Variants in ADGRB3 observed in about 807,000 individuals in gnomAD.
ADGRB3 encodes the protein adhesion G protein-coupled receptor B3.
A neutral mutation model predicts 193.4 loss-of-function variants in ADGRB3; 37 were observed. The ratio of observed to expected loss-of-function variants is 0.19; its 90% CI spans 0.15 to 0.25. The LOEUF (loss-of-function observed/expected upper bound fraction) is 0.25, where lower values mean the gene tolerates loss of function less well. Among genes scored for constraint, ADGRB3 ranks in the 10% least tolerant of loss-of-function variants. The pLI, the probability that ADGRB3 is intolerant of heterozygous loss-of-function variation, is 1.00. For synonymous variants in ADGRB3, 690 were observed against 644.2 expected, an observed-to-expected ratio of 1.07 and a Z score of -1.08; for missense variants, 1,637 against 1,852.9, an observed-to-expected ratio of 0.88 and a Z score of 2.14.
intron 3 of ADGRB3, among the ~76,000 whole-genome samples, chr6:68,834,968 G>C (rs1435105097): frequency 6.6e-6 from 1 of 150,992 alleles, no homozygotes; most frequent in Non-Finnish European, 1.5e-5. Context: ...AAATATGTGA[G>C]TTAAAAAAAA....
At chr6:68,824,132 A>G (rs1346816290) in intron 3 of ADGRB3, among the ~76,000 whole-genome samples, 1 of 152,134 alleles carries the variant, frequency 6.6e-6, no homozygotes, top group Non-Finnish European at 1.5e-5. Context: ...CACTTTGAAT[A>G]TGTCCCAGGT....
chr6:68,951,270 G>A (rs67653429), intron 6 of ADGRB3, among the ~76,000 whole-genome samples: 37,939 of 152,002 alleles, frequency 0.25, 5,745 homozygotes, highest in Non-Finnish European at 0.34. Context: ...TAAGAAAAAA[G>A]TGGAGGTCAG....
In ADGRB3 at chr6:68,635,968, A is replaced by G. The variant is rs1767937996; in HGVS notation, c.-220A>G. The G allele has an allele frequency of 6.6e-6, 1 of 152,610 alleles. No individual in the cohort carries two copies. Among genetic ancestry groups the G allele is most frequent in the Non-Finnish European group, 1.5e-5 (1 of 68,226 alleles). 9.5% of individuals were successfully genotyped at this position (152,610 alleles called of 1,614,324 possible). On this transcript the variant is annotated 5_prime_UTR_variant, in exon 1 of 32. Coordinates refer to ENST00000370598, the MANE Select transcript of ADGRB3 (RefSeq NM_001704.3). ...ACGCGTGCCTGTGCTGGTGTCTTAG[A>G]GCAAGAGCCTCCCTGAGCTTTCGGA...
rs990343404 is a variant in ADGRB3 at position 69,179,453 on chromosome 6, C to T, written c.2481-53837C>T. Among the ~76,000 whole-genome samples, 3 of 152,268 alleles carry T rather than the reference C, an allele frequency of 2.0e-5. No individual in the cohort carries two copies. The South Asian group carries it at 6.2e-4, about 32-fold the overall frequency. ...GGATCTCATTGAGCTTCCTTACAAT[C>T]CTTGCTTTGAAATTTTAATCTGTCA... is the stretch of plus-strand genomic sequence containing the variant. On this transcript the variant is annotated intron_variant, in intron 17 of 31. Transcript: ENST00000370598.
At position 68,781,077 on chromosome 6, in the gene ADGRB3, C is replaced by G. The variant is rs1766843627; in HGVS notation, c.757+141645C>G. Among the ~76,000 whole-genome samples the G allele has an allele frequency of 2.0e-5, 3 of 152,176 alleles. No individual in the cohort carries two copies. The South Asian group carries it at 6.2e-4, about 31-fold the overall frequency. On this transcript the variant is annotated intron_variant, in intron 3 of 31. Coordinates refer to ENST00000370598, the MANE Select transcript of ADGRB3 (RefSeq NM_001704.3). ...CTCAAGTTGATAATATAACCTGCAACTGCATGAATTCGTGTACAGTTTAAT... is the reference window on the plus strand; with the variant it reads ...CTCAAGTTGATAATATAACCTGCAAGTGCATGAATTCGTGTACAGTTTAAT...
chr6:69,304,697 G>A (rs1248445693), intron 20 of ADGRB3, among the ~76,000 whole-genome samples: 1 of 151,468 alleles, frequency 6.6e-6, no homozygotes, highest in African/African-American at 2.4e-5. Context: ...CTTGGTGATA[G>A]ATTATATTCT....
rs1774136319 is a variant in ADGRB3 at position 69,135,890 on chromosome 6, C to T, written c.2480+59852C>T. On this transcript the variant is annotated intron_variant, in intron 17 of 31. Transcript: ENST00000370598. ...TAAACAGAAAGTAAAACAGAAAATG[C>T]TCCCTCTACAAAAGATTCCCTGTGT... Among the ~76,000 whole-genome samples, 6 of 152,136 alleles carry T rather than the reference C, an allele frequency of 3.9e-5. No homozygotes were observed. In the South Asian group the frequency reaches 1.0e-3, roughly 26 times the overall value.
chr6:68,765,934 TTTTA>T (rs1481222452), intron 3 of ADGRB3, among the ~76,000 whole-genome samples: 3 of 152,032 alleles, frequency 2.0e-5, no homozygotes, highest in East Asian at 1.9e-4. Context: ...GAAAAAAATG[TTTTA>T]TTTATTCAGT....
chr6:69,152,230 T>C (rs1774700781), intron 17 of ADGRB3, among the ~76,000 whole-genome samples: 1 of 152,224 alleles, frequency 6.6e-6, no homozygotes, highest in Non-Finnish European at 1.5e-5. Context: ...GTTTCAAAAA[T>C]GTATGCATGA....
intron 3 of ADGRB3, among the ~76,000 whole-genome samples, chr6:68,829,717 C>A (rs932218622): frequency 5.3e-5 from 8 of 152,076 alleles, no homozygotes; most frequent in Non-Finnish European, 4.4e-5. Context: ...TTCTTTGGAT[C>A]TGCTTTTGAA....
intron 3 of ADGRB3, among the ~76,000 whole-genome samples, chr6:68,911,690 T>C (rs866103034): frequency 6.6e-6 from 1 of 152,242 alleles, no homozygotes; most frequent in East Asian, 1.9e-4. Context: ...TTAACTCTAC[T>C]ACTTTCCATG....
chr6:68,905,715 C>T (rs749713056), intron 3 of ADGRB3, among the ~76,000 whole-genome samples: 53 of 152,044 alleles, frequency 3.5e-4, no homozygotes, highest in Non-Finnish European at 5.7e-4. Flanking sequence ...CACAGCAGTT[C>T]GTTGATTGTC....
chr6:68,917,145 A>T (rs114326501), intron 3 of ADGRB3, among the ~76,000 whole-genome samples: 131 of 152,270 alleles, frequency 8.6e-4, no homozygotes, highest in African/African-American at 3.1e-3. Context: ...TTGGATAGGG[A>T]TATGATGGGA....
intron 17 of ADGRB3, among the ~76,000 whole-genome samples, chr6:69,192,543 A>G (rs1297299521): frequency 1.3e-5 from 2 of 152,174 alleles, no homozygotes; most frequent in Admixed American, 6.6e-5. Context: ...TTGACACACA[A>G]TATTAACCAT....
At chr6:69,216,021 A>G (rs1171440756) in intron 17 of ADGRB3, among the ~76,000 whole-genome samples, 2 of 152,216 alleles carry the variant, frequency 1.3e-5, no homozygotes, top group African/African-American at 4.8e-5. Flanking sequence ...GGAGATTATA[A>G]TCTAAATAAG....
chr6:68,726,824 G>T (rs548732344), intron 3 of ADGRB3, among the ~76,000 whole-genome samples: 70 of 151,578 alleles, frequency 4.6e-4, no homozygotes, highest in South Asian at 1.5e-3. Context: ...AAATTATAAA[G>T]CAGACAGGGC....
chr6:69,049,085 A>G (rs537951323), intron 14 of ADGRB3, among the ~76,000 whole-genome samples, 186 bp from the exon 15 acceptor site: 1 of 152,134 alleles, frequency 6.6e-6, no homozygotes, highest in Non-Finnish European at 1.5e-5. Context: ...TCGTGATGCA[A>G]AACTATAGAA....
chr6:68,735,442 T>C (rs1217133012), intron 3 of ADGRB3, among the ~76,000 whole-genome samples: 2 of 152,002 alleles, frequency 1.3e-5, no homozygotes, highest in African/African-American at 2.4e-5. Context: ...GATAAGAATA[T>C]AGGAAATCAT....
At chr6:68,714,980 A>G (rs975805531) in intron 3 of ADGRB3, among the ~76,000 whole-genome samples, 7 of 151,780 alleles carry the variant, frequency 4.6e-5, no homozygotes, top group African/African-American at 1.7e-4. Context: ...GTGCACATCA[A>G]TTGTACTAGC....
Sources: allele counts gnomAD v4.1 joint callset (sites outside exome capture counted in the v4.1 genomes callset), GRCh38; gene constraint gnomAD v4.1.1; transcripts MANE v1.5; gene names NCBI Gene and HGNC (gene_info 2026-07-23, HGNC 2026-07-21).